Variants in BHMT2 observed in about 807,000 individuals in gnomAD.
The protein encoded by BHMT2 is betaine--homocysteine S-methyltransferase 2.
In BHMT2, 28 loss-of-function variants were observed where a neutral mutation model predicts 39.0. The ratio of observed to expected loss-of-function variants is 0.72; its 90% CI spans 0.53 to 0.98. The LOEUF (loss-of-function observed/expected upper bound fraction) is 0.98, where lower values mean the gene tolerates loss of function less well. BHMT2 is among the 50% of genes least tolerant of loss of function. The pLI, the probability that BHMT2 is intolerant of heterozygous loss-of-function variation, is 0.00. For missense variants in BHMT2, 410 were observed against 455.6 expected, an observed-to-expected ratio of 0.90 and a Z score of 0.91; for synonymous variants, 145 against 160.6, an observed-to-expected ratio of 0.90 and a Z score of 0.74.
At chr5:79,077,230 C>G (rs1054159217) in intron 1 of BHMT2, among the ~76,000 whole-genome samples, 2 of 152,182 alleles carry the variant, frequency 1.3e-5, no homozygotes, top group Admixed American at 1.3e-4. Flanking sequence ...GGAATCAGTG[C>G]TATAATTTGA....
At chr5:79,079,232 T>C in intron 2 of BHMT2, 137 bp from the exon 3 acceptor site, 1 of 611,310 alleles carries the variant, frequency 1.6e-6, no homozygotes. Flanking sequence ...TATAATTTTT[T>C]GTTACTACTA....
In BHMT2 at chr5:79,088,730, G is replaced by C; in HGVS notation, c.*156G>C. ...CAGCCCCTTCCCTTCCAGCCCACAA[G>C]TGTGTGCATATTGAGCTCCTGCTGT... On this transcript the variant is annotated 3_prime_UTR_variant, in exon 8 of 8. Coordinates refer to ENST00000255192, the MANE Select transcript of BHMT2 (RefSeq NM_017614.5). The C allele has an allele frequency of 3.4e-6, 2 of 597,014 alleles. No individual in the cohort carries two copies. The highest frequency in any genetic ancestry group is 6.1e-6 in the Non-Finnish European group (2 of 328,974). The allele number at this position is 597,014 out of a possible 1,614,324, so 37.0% of individuals were successfully genotyped here.
intron 7 of BHMT2, among the ~76,000 whole-genome samples, chr5:79,088,162 A>G (rs1755942610): frequency 6.6e-6 from 1 of 152,256 alleles, no homozygotes; most frequent in South Asian, 2.1e-4. Context: ...CCTGGGCAAC[A>G]GAGCAAGACC....
rs749718691 is a variant in BHMT2 at position 79,083,316 on chromosome 5, G to T, written c.723G>T (p.Gly241=). Residue 241 remains glycine, a synonymous_variant, in exon 6 of 8, where the codon GGG becomes GGT. Coordinates refer to ENST00000255192, the MANE Select transcript of BHMT2 (RefSeq NM_017614.5). ...LKAHLMVQPL[G]FHAPDCGKEG... ...CGCACCTCATGGTGCAGCCTCTGGG[G>T]TTCCACGCGCCTGACTGTGGCAAAG... 1.6e-5 allele frequency: 25 copies of T among 1,612,172 alleles called. No homozygotes were observed. Among genetic ancestry groups the T allele is most frequent in the Non-Finnish European group, 2.0e-5 (24 of 1,178,840 alleles).
chr5:79,072,965 C>CTTTT (rs10626697), intron 1 of BHMT2, among the ~76,000 whole-genome samples: 15 of 137,702 alleles, frequency 1.1e-4, no homozygotes, highest in Non-Finnish European at 1.2e-4. Context: ...AAATTTGATT[C>CTTTT]TTTTTTTTTT....
intron 7 of BHMT2, among the ~76,000 whole-genome samples, chr5:79,084,781 AC>A (rs1327524903): frequency 6.6e-6 from 1 of 152,134 alleles, no homozygotes; most frequent in African/African-American, 2.4e-5. Flanking sequence ...ACTATTGATA[AC>A]CCTTTATGAA....
At chr5:79,072,065 G>A (rs199803781) in intron 1 of BHMT2, among the ~76,000 whole-genome samples, 4 of 152,100 alleles carry the variant, frequency 2.6e-5, no homozygotes, top group East Asian at 1.9e-4. Flanking sequence ...TCAGGAGTTC[G>A]AGACCACACT....
chr5:79,076,546 CT>C (rs1755676753), intron 1 of BHMT2, among the ~76,000 whole-genome samples: 1 of 152,094 alleles, frequency 6.6e-6, no homozygotes, highest in African/African-American at 2.4e-5. Flanking sequence ...TATGAGTGGG[CT>C]AAATAGGAAG....
chr5:79,072,671 G>A (rs9293763), intron 1 of BHMT2, among the ~76,000 whole-genome samples: 7,605 of 152,294 alleles, frequency 0.05, 258 homozygotes, highest in Middle Eastern at 0.11. Context: ...GGGGATGCAT[G>A]AATGAAGGAT....
intron 3 of BHMT2, among the ~76,000 whole-genome samples, chr5:79,080,149 G>A (rs1460517120): frequency 6.6e-6 from 1 of 152,166 alleles, no homozygotes; most frequent in Non-Finnish European, 1.5e-5. Context: ...ATCCAGCATT[G>A]CCACCTATTG....
intron 1 of BHMT2, among the ~76,000 whole-genome samples, chr5:79,074,722 G>C (rs1422583232): frequency 6.6e-6 from 1 of 152,152 alleles, no homozygotes; most frequent in Non-Finnish European, 1.5e-5. Flanking sequence ...TCCAAAATCT[G>C]TTCCCCCTCC....
rs56883196 is a variant in BHMT2 at position 79,080,937 on chromosome 5, C to T, written c.450+59C>T. On this transcript the variant is annotated intron_variant, in intron 4 of 7. Coordinates refer to ENST00000255192, the MANE Select transcript of BHMT2 (RefSeq NM_017614.5). ...TATTTTGCAAGCATAACTGCAGAGT[C>T]TTCACATTTCATGAGGGTATTGGAC... is the stretch of plus-strand genomic sequence containing the variant. 1.9e-4 allele frequency: 273 copies of T among 1,433,226 alleles called. No individual in the cohort carries two copies. The African/African-American group carries it at 2.8e-3, about 14-fold the overall frequency. 88.8% of individuals were successfully genotyped at this position (1,433,226 alleles called of 1,614,324 possible). A position where few individuals can be genotyped will look rare whatever the true frequency, so the allele number is the denominator to read the frequency against.
In BHMT2 at chr5:79,083,313, G is replaced by C; in HGVS notation, c.720G>C (p.Leu240=). 6.2e-7 allele frequency: 1 copy of C among 1,612,628 alleles called. No homozygotes were observed. Among genetic ancestry groups the C allele is most frequent in the Non-Finnish European group, 8.5e-7 (1 of 1,179,070 alleles). Residue 240 remains leucine, a synonymous_variant, in exon 6 of 8, where the codon CTG becomes CTC. Coordinates refer to ENST00000255192, the MANE Select transcript of BHMT2 (RefSeq NM_017614.5). Reference sequence around the variant, plus strand: ...AAGCGCACCTCATGGTGCAGCCTCTGGGGTTCCACGCGCCTGACTGTGGCA... The same window carrying C: ...AAGCGCACCTCATGGTGCAGCCTCTCGGGTTCCACGCGCCTGACTGTGGCA... The part of the protein sequence containing the change: ...GLKAHLMVQP[L]GFHAPDCGKE...
rs1390017469 is a variant in BHMT2, at chr5:79,089,206, C to T, written c.*632C>T. 6.6e-6 allele frequency: 1 copy of T among 152,302 alleles called. No individual in the cohort carries two copies. Among genetic ancestry groups the T allele is most frequent in the Non-Finnish European group, 1.5e-5 (1 of 68,118 alleles). The allele number at this position is 152,302 out of a possible 1,614,324, so 9.4% of individuals were successfully genotyped here. ...GTGACTCACACCTGCAATCCCAGCA[C>T]TTTGGGAGGCCGAGGCGGGCGGATC... is the stretch of plus-strand genomic sequence containing the variant. On this transcript the variant is annotated 3_prime_UTR_variant, in exon 8 of 8. Transcript: ENST00000255192.
chr5:79,069,882 C>G (rs1353560379), intron 1 of BHMT2, 67 bp downstream of exon 1: 1 of 1,309,814 alleles, frequency 7.6e-7, no homozygotes, highest in Non-Finnish European at 9.8e-7. Flanking sequence ...TCCGTTCACA[C>G]CCGGCGTCCA....
chr5:79,089,691 G>C lies in BHMT2; in HGVS notation c.*1117G>C, dbSNP rs539944528. Among the ~76,000 whole-genome samples the C allele has an allele frequency of 6.6e-6, 1 of 152,260 alleles. No homozygotes were observed. Among genetic ancestry groups the C allele is most frequent in the East Asian group, 1.9e-4 (1 of 5,172 alleles). On this transcript the variant is annotated 3_prime_UTR_variant, in exon 8 of 8. Transcript: ENST00000255192. ...TTTCAAAAGTCAGAGTTTAGGCCAG[G>C]GGCACAGGCTGACACCTATAATCCC... is the stretch of plus-strand genomic sequence containing the variant.
At chr5:79,087,036 A>G (rs1264720215) in intron 7 of BHMT2, among the ~76,000 whole-genome samples, 1 of 146,746 alleles carries the variant, frequency 6.8e-6, no homozygotes, top group African/African-American at 2.5e-5. Context: ...ATATATATAT[A>G]TATATACATA....
chr5:79,078,480 A>G (rs1755720749), intron 2 of BHMT2, among the ~76,000 whole-genome samples: 1 of 152,260 alleles, frequency 6.6e-6, no homozygotes, highest in African/African-American at 2.4e-5. Context: ...GTATATTCAC[A>G]CAGCGTATCA....
intron 7 of BHMT2, among the ~76,000 whole-genome samples, chr5:79,087,014 G>GTATATATA (rs369119738): frequency 0.011 from 1,283 of 118,222 alleles, 32 homozygotes; most frequent in African/African-American, 0.039. Flanking sequence ...GTGTGTGTGT[G>GTATATATA]TATATATATA....
Sources: allele counts gnomAD v4.1 joint callset (sites outside exome capture counted in the v4.1 genomes callset), GRCh38; gene constraint gnomAD v4.1.1; transcripts MANE v1.5; gene names NCBI Gene and HGNC (gene_info 2026-07-23, HGNC 2026-07-21).